The following CD109 variants were observed in gnomAD, a reference collection of about 807,000 sequenced individuals.
CD109 encodes the protein CD109 antigen.
In CD109, 149 loss-of-function variants were observed where a neutral mutation model predicts 165.8. That is an observed-to-expected ratio of 0.90 (90% CI 0.79 to 1.03). The LOEUF (loss-of-function observed/expected upper bound fraction) is 1.03, where lower values mean the gene tolerates loss of function less well. CD109 is among the 50% of genes least tolerant of loss of function. The pLI is 0.00. For synonymous variants in CD109, 585 were observed against 592.1 expected (o/e 0.99, Z 0.18); for missense variants, 1,712 against 1,677.8 (o/e 1.02, Z -0.36).
intron 24 of CD109, among the ~76,000 whole-genome samples, chr6:73,803,689 T>TTG (rs71000156): frequency 0.45 from 67,226 of 149,318 alleles, 15,505 homozygotes; most frequent in Non-Finnish European, 0.51. Flanking sequence ...TAGTTTAAGT[T>TTG]TGTGTGTGTG....
chr6:73,763,424 G>A, intron 9 of CD109, 152 bp from the exon 10 acceptor site: 4 of 517,652 alleles, frequency 7.7e-6, no homozygotes, highest in Non-Finnish European at 1.4e-5. Context: ...ACTGTGTGGT[G>A]CTTGTAGTGT....
intron 2 of CD109, among the ~76,000 whole-genome samples, chr6:73,715,565 CA>C (rs61331986): frequency 0.13 from 9,036 of 71,030 alleles, 577 homozygotes; most frequent in African/African-American, 0.29. Flanking sequence ...ACCCTGTCTC[CA>C]AAAAAAAAAA....
intron 2 of CD109, among the ~76,000 whole-genome samples, chr6:73,715,481 C>T (rs1365462109): frequency 6.7e-6 from 1 of 149,408 alleles, no homozygotes; most frequent in Non-Finnish European, 1.5e-5. Flanking sequence ...AGGAAGATCG[C>T]TTGAGTCCAG....
At position 73,812,271 on chromosome 6, in the gene CD109, G is replaced by T; in HGVS notation, c.3768+1G>T. The T allele has an allele frequency of 6.3e-7, 1 of 1,591,826 alleles. No homozygotes were observed. The highest frequency in any genetic ancestry group is 8.6e-7 in the Non-Finnish European group (1 of 1,163,236). On this transcript the variant is annotated splice_donor_variant, in intron 29 of 32. Transcript: ENST00000287097. LOFTEE classifies it high-confidence loss of function. ...TGGTTTTGGATTTGCTATTTGTCAG[G>T]TATGTAACGATGCTTATTTTTTTAA... is the stretch of plus-strand genomic sequence containing the variant.
At chr6:73,710,742 A>G (rs1771501697) in intron 2 of CD109, among the ~76,000 whole-genome samples, 1 of 152,114 alleles carries the variant, frequency 6.6e-6, no homozygotes, top group Admixed American at 6.6e-5. Flanking sequence ...TTATCCCTTG[A>G]GGAAGAAGAA....
chr6:73,796,746 C>G (rs1321579489), intron 23 of CD109, among the ~76,000 whole-genome samples: 1 of 152,140 alleles, frequency 6.6e-6, no homozygotes, highest in Non-Finnish European at 1.5e-5. Context: ...CACAGTGTAG[C>G]ATGATGATCT....
At chr6:73,796,499 C>A (rs1375624915) in intron 23 of CD109, among the ~76,000 whole-genome samples, 1 of 152,134 alleles carries the variant, frequency 6.6e-6, no homozygotes, top group African/African-American at 2.4e-5. Context: ...TTGTACTACT[C>A]CATTTTATTT....
chr6:73,713,612 C>T (rs1346296742), intron 2 of CD109, among the ~76,000 whole-genome samples: 2 of 152,124 alleles, frequency 1.3e-5, no homozygotes, highest in Non-Finnish European at 2.9e-5. Context: ...CAGATAAGGT[C>T]ATGTGTCTGA....
chr6:73,695,012 T>C (rs1030593599), upstream of CD109: 21 of 152,270 alleles, frequency 1.4e-4, no homozygotes, highest in African/African-American at 4.6e-4. Flanking sequence ...AAAGCAAGTT[T>C]CTGGATTCCC....
At chr6:73,792,515 G>A in intron 22 of CD109, 111 bp from the exon 23 acceptor site, 1 of 891,730 alleles carries the variant, frequency 1.1e-6, no homozygotes, top group Non-Finnish European at 1.8e-6. Flanking sequence ...GTGGAATAAT[G>A]ATATTGCTTC....
At position 73,765,993 on chromosome 6, in the gene CD109, A is replaced by G. The variant is rs41265537; in HGVS notation, c.1171A>G (p.Ile391Val). The G allele has an allele frequency of 3.4e-4, 541 of 1,614,196 alleles. 1 individual carries two copies. In the African/African-American group the frequency reaches 6.0e-3, roughly 18 times the overall value. The change falls in exon 11 of 33, where the codon ATA becomes GTA. Residue 391 changes from isoleucine (I) to valine (V), a missense_variant. By Grantham distance (29) the Ile-to-Val change is conservative. Coordinates refer to ENST00000287097, the MANE Select transcript of CD109 (RefSeq NM_133493.5). Reference sequence around the variant, plus strand: ...TGAAGAAAGAAGAAATAATGTAGTCATAACAGTGACACAGAGAAACTATAC... The same window carrying G: ...TGAAGAAAGAAGAAATAATGTAGTCGTAACAGTGACACAGAGAAACTATAC... The part of the protein sequence containing the change: ...TLEERRNNVV[I>V]TVTQRNYTEY...
intron 15 of CD109, among the ~76,000 whole-genome samples, chr6:73,771,906 G>A (rs1329377138): frequency 2.0e-5 from 3 of 152,120 alleles, no homozygotes; most frequent in Non-Finnish European, 4.4e-5. Flanking sequence ...TGCTAAAAGA[G>A]TAGATTTGAA....
At position 73,791,136 on chromosome 6, in the gene CD109, CATATATAT is replaced by C. The variant is rs61429872; in HGVS notation, c.2702-1456_2702-1449del. The stretch of plus-strand genomic sequence containing the variant: ...TTGGAGGCATATATATACATACATA[CATATATAT>C]ATATATATATATATATATATATATA... On this transcript the variant is annotated intron_variant, in intron 22 of 32. Coordinates refer to ENST00000287097, the MANE Select transcript of CD109 (RefSeq NM_133493.5). Among the ~76,000 whole-genome samples, 111 of 56,330 alleles carry C rather than the reference CATATATAT, an allele frequency of 2.0e-3. 3 individuals are homozygous for C. Among genetic ancestry groups the C allele is most frequent in the South Asian group, 0.02 (22 of 1,126 alleles). 37.0% of individuals were successfully genotyped at this position (56,330 alleles called of 152,430 possible).
At chr6:73,782,829 C>G in intron 18 of CD109, 74 bp downstream of exon 18, 1 of 1,459,818 alleles carries the variant, frequency 6.9e-7, no homozygotes, top group Non-Finnish European at 9.4e-7. Flanking sequence ...TGCCCGCTTT[C>G]TAATGTTTAA....
chr6:73,795,691 T>C (rs1375696367), intron 23 of CD109, among the ~76,000 whole-genome samples: 8 of 152,132 alleles, frequency 5.3e-5, no homozygotes, highest in Non-Finnish European at 1.0e-4. Flanking sequence ...TAGGCGAGTT[T>C]CCCCTTGGGA....
chr6:73,684,844 TC>T, the CD109 span, among the ~76,000 whole-genome samples: 1 of 151,130 alleles, frequency 6.6e-6, no homozygotes, highest in Non-Finnish European at 1.5e-5. Context: ...GTCTGGCTAG[TC>T]TTTTTAGTTT....
At chr6:73,803,681 G>A (rs1205986381) in intron 24 of CD109, among the ~76,000 whole-genome samples, 1 of 89,168 alleles carries the variant, frequency 1.1e-5, no homozygotes, top group Non-Finnish European at 2.2e-5. Flanking sequence ...GGTCAATGTA[G>A]TTTAAGTTTG....
chr6:73,730,517 T>C lies in CD109; in HGVS notation c.450T>C (p.Ile150=), dbSNP rs187899427. Residue 150 remains isoleucine (I), a synonymous_variant, in exon 4 of 33, where the codon ATT becomes ATC. Transcript: ENST00000287097. ...YKPKQEVKFR[I]VTLFSDFKPY... is the part of the protein sequence containing the mutation. ...CAAAGCAAGAAGTGAAGTTTCGCAT[T>C]GTTACACTCTTCTCAGATTTTAAGC... 2 of 1,614,184 alleles carry C rather than the reference T, an allele frequency of 1.2e-6. No homozygotes were observed. The highest frequency in any genetic ancestry group is 2.2e-5 in the South Asian group (2 of 91,080).
chr6:73,680,218 T>A, the CD109 span, among the ~76,000 whole-genome samples: 1 of 150,716 alleles, frequency 6.6e-6, no homozygotes, highest in Non-Finnish European at 1.5e-5. Flanking sequence ...GTAATTATAT[T>A]ATTTTTTATT....
Sources: gnomAD v4.1 joint callset for allele counts (sites outside exome capture counted in the v4.1 genomes callset) on GRCh38, gnomAD v4.1.1 for gene constraint, MANE v1.5 for transcripts, NCBI Gene and HGNC (gene_info 2026-07-23, HGNC 2026-07-21) for gene names.